GRID2: variants seen among roughly 807,000 people sequenced by gnomAD.
GRID2 encodes the protein glutamate ionotropic receptor delta type subunit 2.
GRID2 carries 33 observed loss-of-function variants against 114.8 expected under a neutral mutation model. The observed-to-expected ratio is 0.29, with a 90% CI of 0.22 to 0.38. The LOEUF (loss-of-function observed/expected upper bound fraction) is 0.38, where lower values mean the gene tolerates loss of function less well. Ranked by LOEUF, GRID2 falls within the 10% of genes least tolerant of loss-of-function variation. The pLI is 1.00. For missense variants in GRID2, 1,184 were observed against 1,257.7 expected (o/e 0.94, Z 0.89); for synonymous variants, 505 against 449.9 (o/e 1.12, Z -1.55).
At chr4:93,541,022 T>G (rs1188108424) in intron 13 of GRID2, among the ~76,000 whole-genome samples, 1 of 152,162 alleles carries the variant, frequency 6.6e-6, no homozygotes, top group African/African-American at 2.4e-5. Flanking sequence ...TAGCATCATT[T>G]AAAGTTCCCA....
intron 1 of GRID2, among the ~76,000 whole-genome samples, chr4:92,308,381 T>C (rs1472323144): frequency 1.3e-5 from 2 of 152,192 alleles, no homozygotes; most frequent in Non-Finnish European, 2.9e-5. Context: ...TCATATATTA[T>C]ACAAATCACT....
At chr4:93,427,737 A>C (rs1368058972) in intron 10 of GRID2, among the ~76,000 whole-genome samples, 1 of 152,028 alleles carries the variant, frequency 6.6e-6, no homozygotes, top group Non-Finnish European at 1.5e-5. Flanking sequence ...TATGATGTAC[A>C]TATGGAGTCT....
chr4:93,236,536 A>G (rs1746821523), intron 7 of GRID2, among the ~76,000 whole-genome samples: 2 of 151,984 alleles, frequency 1.3e-5, no homozygotes, highest in Non-Finnish European at 2.9e-5. Flanking sequence ...TTTATTTACT[A>G]CAGTATTTTT....
intron 13 of GRID2, among the ~76,000 whole-genome samples, chr4:93,589,644 G>A (rs1373653000): frequency 6.6e-6 from 1 of 151,694 alleles, no homozygotes; most frequent in Non-Finnish European, 1.5e-5. Flanking sequence ...TTCCACAATG[G>A]TTGAACTAGT....
intron 2 of GRID2, among the ~76,000 whole-genome samples, chr4:93,066,922 T>G (rs1182899598): frequency 6.6e-6 from 1 of 151,994 alleles, no homozygotes; most frequent in Non-Finnish European, 1.5e-5. Context: ...ATGTGGCTAA[T>G]GGGTAGGTAG....
chr4:92,820,144 GA>G (rs1481866234), intron 2 of GRID2, among the ~76,000 whole-genome samples: 2 of 152,116 alleles, frequency 1.3e-5, no homozygotes, highest in African/African-American at 4.8e-5. Flanking sequence ...TGAGACATGG[GA>G]ATTAATGAGT....
At position 92,942,709 on chromosome 4, in the gene GRID2, G is replaced by A. The variant is rs190340284; in HGVS notation, c.245-142286G>A. 3.4e-3 allele frequency among the ~76,000 whole-genome samples: 521 copies of A among 152,218 alleles called. 6 individuals are homozygous for A. The highest frequency in any genetic ancestry group is 0.019 in the South Asian group (91 of 4,816). ...GTATGTTTTTGCAGTGGCTGGTACC[G>A]GTTGTTCCTTTCCACGTTTAGTGCT... On this transcript the variant is annotated intron_variant, in intron 2 of 15. Coordinates refer to ENST00000282020, the MANE Select transcript of GRID2 (RefSeq NM_001510.4).
Position 92,443,080 on chromosome 4 carries a change from G to C in GRID2, c.88+138336G>C, listed in dbSNP as rs531779517. On this transcript the variant is annotated intron_variant, in intron 1 of 15. Transcript: ENST00000282020. ...AAGGAAGATTAGAAAGACTCAGCGA[G>C]GCTTGGGGTTGGTACTGAGGGGACA... Among the ~76,000 whole-genome samples, 701 of 152,076 alleles carry C rather than the reference G, an allele frequency of 4.6e-3. 5 individuals carry two copies. The highest frequency in any genetic ancestry group is 0.015 in the African/African-American group (615 of 41,458).
Position 93,455,785 on chromosome 4 carries a change from G to T in GRID2, c.1669G>T (p.Asp557Tyr). 6.2e-7 allele frequency: 1 copy of T among 1,612,818 alleles called. No individual in the cohort carries two copies. The highest frequency in any genetic ancestry group is 8.5e-7 in the Non-Finnish European group (1 of 1,178,864). ...VLLRRAEKTV[D>Y]MFACLAPFDL... The stretch of plus-strand genomic sequence containing the variant: ...ACTTCGAAGGGCTGAAAAGACAGTG[G>T]ATATGTTTGCCTGTCTTGCACCATT... The change falls in exon 11 of 16, where the codon GAT becomes TAT. Residue 557 changes from aspartate (D) to tyrosine (Y), a missense_variant. Physicochemically the swap from Asp to Tyr is radical, Grantham distance 160. This residue lies in a region of GRID2 where 717 missense variants were observed against 796.9 expected (regional missense o/e 0.90). Coordinates refer to ENST00000282020, the MANE Select transcript of GRID2 (RefSeq NM_001510.4).
intron 2 of GRID2, among the ~76,000 whole-genome samples, chr4:92,703,641 A>G (rs1734793038): frequency 7.1e-6 from 1 of 141,694 alleles, no homozygotes; most frequent in African/African-American, 2.5e-5. Context: ...ATATATATAT[A>G]TATAAAATCA....
intron 9 of GRID2, among the ~76,000 whole-genome samples, chr4:93,418,512 A>C (rs1469073184): frequency 6.6e-6 from 1 of 152,044 alleles, no homozygotes; most frequent in African/African-American, 2.4e-5. Context: ...TTCTTCAAAC[A>C]CAATAAACAT....
At chr4:93,301,692 A>G (rs954778127) in intron 8 of GRID2, among the ~76,000 whole-genome samples, 1 of 152,166 alleles carries the variant, frequency 6.6e-6, no homozygotes, top group Admixed American at 6.5e-5. Context: ...ACATAATCCT[A>G]CGTATTGTGG....
At chr4:92,616,291 C>G (rs1241359049) in intron 2 of GRID2, among the ~76,000 whole-genome samples, 2 of 151,348 alleles carry the variant, frequency 1.3e-5, no homozygotes, top group Non-Finnish European at 3.0e-5. Flanking sequence ...TTTGTTTAAG[C>G]AGTGTCTTTC....
intron 8 of GRID2, among the ~76,000 whole-genome samples, chr4:93,269,029 C>T (rs961719499): frequency 6.6e-6 from 1 of 152,020 alleles, no homozygotes; most frequent in Non-Finnish European, 1.5e-5. Context: ...AACCATATGT[C>T]TTACAGATAT....
chr4:93,345,556 A>G (rs539523844), intron 8 of GRID2, among the ~76,000 whole-genome samples: 1 of 152,040 alleles, frequency 6.6e-6, no homozygotes, highest in South Asian at 2.1e-4. Flanking sequence ...AATAGTTTGT[A>G]CGGTTTGCAA....
chr4:92,572,951 C>T (rs959930730), intron 1 of GRID2, among the ~76,000 whole-genome samples: 3 of 152,004 alleles, frequency 2.0e-5, no homozygotes, highest in African/African-American at 7.2e-5. Flanking sequence ...CTATCTGGCC[C>T]TGGGCTTTTT....
intron 13 of GRID2, among the ~76,000 whole-genome samples, chr4:93,573,981 G>A (rs998480816): frequency 2.0e-5 from 3 of 152,072 alleles, no homozygotes; most frequent in Non-Finnish European, 4.4e-5. Context: ...GAGAAATCAT[G>A]GGCAATAATT....
chr4:93,176,523 G>A (rs1437510793), intron 4 of GRID2, among the ~76,000 whole-genome samples: 1 of 152,124 alleles, frequency 6.6e-6, no homozygotes. Flanking sequence ...ATGGCCAATT[G>A]TCTACAGTAG....
At chr4:93,434,248 G>A (rs755672158) in intron 10 of GRID2, among the ~76,000 whole-genome samples, 2 of 152,140 alleles carry the variant, frequency 1.3e-5, no homozygotes, top group African/African-American at 2.4e-5. Flanking sequence ...TATTTGGAAG[G>A]TAGTCTGATA....
Sources: gnomAD v4.1 joint callset for allele counts (sites outside exome capture counted in the v4.1 genomes callset) on GRCh38, gnomAD v4.1.1 for gene constraint, gnomAD v4.1.1 regional missense constraint, MANE v1.5 for transcripts, NCBI Gene and HGNC (gene_info 2026-07-23, HGNC 2026-07-21) for gene names.